LRRC1: variants seen among roughly 807,000 people sequenced by gnomAD.
LRRC1 encodes leucine-rich repeat-containing protein 1.
In LRRC1, 28 loss-of-function variants were observed where a neutral mutation model predicts 69.9. The ratio of observed to expected loss-of-function variants is 0.40; its 90% CI spans 0.30 to 0.55. The LOEUF is 0.55. Among genes scored for constraint, LRRC1 ranks in the 20% least tolerant of loss-of-function variants. The probability of loss-of-function intolerance (pLI) is 0.47; values close to 1 mark genes in which losing one functional copy is unlikely to be tolerated. For synonymous variants in LRRC1, 236 were observed against 240.2 expected, an observed-to-expected ratio of 0.98 and a Z score of 0.16; for missense variants, 498 against 609.0, an observed-to-expected ratio of 0.82 and a Z score of 1.92.
chr6:53,917,059 G>A (rs1581920790), intron 11 of LRRC1, among the ~76,000 whole-genome samples: 1 of 152,198 alleles, frequency 6.6e-6, no homozygotes, highest in East Asian at 1.9e-4. Flanking sequence ...GTAGTGTACA[G>A]AAGGTACCAG....
At chr6:53,900,415 A>T (rs1196379826) in intron 8 of LRRC1, among the ~76,000 whole-genome samples, 3 of 152,198 alleles carry the variant, frequency 2.0e-5, no homozygotes, top group African/African-American at 7.2e-5. Context: ...TGTTTCTGTC[A>T]TCCTGGCTTG....
At chr6:53,826,197 CTTTTTTTTTT>C (rs58959665) in intron 1 of LRRC1, among the ~76,000 whole-genome samples, 64 of 138,400 alleles carry the variant, frequency 4.6e-4, no homozygotes, top group African/African-American at 1.7e-3. Context: ...ACATATCTGC[CTTTTTTTTTT>C]TTTTTTTTGG....
At chr6:53,914,036 C>T in intron 11 of LRRC1, 67 bp downstream of exon 11, 3 of 1,095,510 alleles carry the variant, frequency 2.7e-6, no homozygotes, top group African/African-American at 1.6e-5. Context: ...CTTGGCAGTG[C>T]ATCTTCAAAT....
At chr6:53,840,143 A>G (rs1765725849) in intron 1 of LRRC1, among the ~76,000 whole-genome samples, 1 of 152,110 alleles carries the variant, frequency 6.6e-6, no homozygotes. Flanking sequence ...GTTTACTTAC[A>G]TATTTTGATG....
Position 53,923,238 on chromosome 6 carries a change from T to A in LRRC1, c.*445T>A, listed in dbSNP as rs1312734646. On this transcript the variant is annotated 3_prime_UTR_variant, in exon 14 of 14. Coordinates refer to ENST00000370888, the MANE Select transcript of LRRC1 (RefSeq NM_018214.5). The stretch of plus-strand genomic sequence containing the variant: ...TTTAAACCTTTTTTGGCAGCTCAGA[T>A]GGTGTAAATTTTAAAATTTTGTATA... 6.5e-6 allele frequency: 1 copy of A among 153,846 alleles called. No individual in the cohort carries two copies. Among genetic ancestry groups the A allele is most frequent in the Non-Finnish European group, 1.4e-5 (1 of 68,984 alleles). The allele number at this position is 153,846 out of a possible 1,614,324, so 9.5% of individuals were successfully genotyped here.
At chr6:53,897,470 A>C in intron 7 of LRRC1, 111 bp downstream of exon 7, 1 of 717,528 alleles carries the variant, frequency 1.4e-6, no homozygotes, top group Non-Finnish European at 2.3e-6. Context: ...GAAAACCAAA[A>C]ACATTGATTG....
At chr6:53,801,841 A>G (rs1033991434) in intron 1 of LRRC1, among the ~76,000 whole-genome samples, 1 of 152,206 alleles carries the variant, frequency 6.6e-6, no homozygotes, top group Non-Finnish European at 1.5e-5. Context: ...AATAATAATT[A>G]TAATTGTCAC....
intron 10 of LRRC1, chr6:53,905,103 G>A (rs1409494657): frequency 6.6e-6 from 1 of 152,332 alleles, no homozygotes; most frequent in East Asian, 1.9e-4. Context: ...AAGGGAGGTG[G>A]AAATGCTGAC....
At chr6:53,819,162 GTGTCT>G (rs1765041947) in intron 1 of LRRC1, among the ~76,000 whole-genome samples, 1 of 152,220 alleles carries the variant, frequency 6.6e-6, no homozygotes, top group Non-Finnish European at 1.5e-5. Context: ...GATAACTTGA[GTGTCT>G]TGTCAGAAAG....
At chr6:53,851,030 G>A (rs894251821) in intron 2 of LRRC1, among the ~76,000 whole-genome samples, 1 of 152,032 alleles carries the variant, frequency 6.6e-6, no homozygotes, top group Non-Finnish European at 1.5e-5. Context: ...AGCTAGAAGA[G>A]GAGAAGAAAT....
rs116791724 is a variant in LRRC1, at chr6:53,874,209, A to G, written c.278-4784A>G. 4.5e-3 allele frequency among the ~76,000 whole-genome samples: 678 copies of G among 152,296 alleles called. 2 individuals carry two copies. The highest frequency in any genetic ancestry group is 0.015 in the African/African-American group (642 of 41,580). On this transcript the variant is annotated intron_variant, in intron 2 of 13. Coordinates refer to ENST00000370888, the MANE Select transcript of LRRC1 (RefSeq NM_018214.5). ...CTCTGAGCCTTAGTGTCCATTTTGT[A>G]TAATGAAAGTTAAAATATTTTGAGG...
At chr6:53,820,407 G>A (rs1489291855) in intron 1 of LRRC1, among the ~76,000 whole-genome samples, 1 of 147,496 alleles carries the variant, frequency 6.8e-6, no homozygotes, top group Non-Finnish European at 1.5e-5. Flanking sequence ...ACAGCATCTA[G>A]TATGGAGCTT....
intron 1 of LRRC1, among the ~76,000 whole-genome samples, chr6:53,840,456 T>C (rs541763855): frequency 6.6e-6 from 1 of 152,260 alleles, no homozygotes; most frequent in East Asian, 1.9e-4. Context: ...TATGCCTTGG[T>C]ATGTACTTTT....
At chr6:53,912,521 C>A (rs1398187759) in intron 10 of LRRC1, among the ~76,000 whole-genome samples, 1 of 152,160 alleles carries the variant, frequency 6.6e-6, no homozygotes. Flanking sequence ...GTGCTTTCCA[C>A]ATGACCAGAG....
rs1167829942 is a variant in LRRC1, at chr6:53,861,508, A to G, written c.278-17485A>G. On this transcript the variant is annotated intron_variant, in intron 2 of 13. Transcript: ENST00000370888. ...TGCTGAATCAGTCGCTGGGAGTGGG[A>G]CCAGACCATTCTTTAAGCGGGTCAG... Among the ~76,000 whole-genome samples the G allele has an allele frequency of 2.0e-5, 3 of 150,144 alleles. No homozygotes were observed. In the East Asian group the frequency reaches 5.8e-4, roughly 29 times the overall value.
At chr6:53,829,750 G>T (rs1765376323) in intron 1 of LRRC1, among the ~76,000 whole-genome samples, 1 of 152,162 alleles carries the variant, frequency 6.6e-6, no homozygotes, top group Admixed American at 6.5e-5. Flanking sequence ...AGCTACCTCA[G>T]AAAATTGTCC....
At chr6:53,850,062 C>T (rs372433518) in intron 2 of LRRC1, among the ~76,000 whole-genome samples, 9 of 145,258 alleles carry the variant, frequency 6.2e-5, no homozygotes, top group East Asian at 2.0e-4. Context: ...AATAAGATTT[C>T]TTTTTTTTTT....
rs76145131 is a variant in LRRC1, at chr6:53,816,841, C to T, written c.159+21426C>T. On this transcript the variant is annotated intron_variant, in intron 1 of 13. Coordinates refer to ENST00000370888, the MANE Select transcript of LRRC1 (RefSeq NM_018214.5). ...CGAACAATCTGAAAGTCGGAACCTCCGCTAAAAATCCAGCTCTCTTCCCCC... is the reference window on the plus strand; with the variant it reads ...CGAACAATCTGAAAGTCGGAACCTCTGCTAAAAATCCAGCTCTCTTCCCCC... 8.3e-3 allele frequency among the ~76,000 whole-genome samples: 1,261 copies of T among 152,258 alleles called. 13 individuals are homozygous for T. Among genetic ancestry groups the T allele is most frequent in the African/African-American group, 0.028 (1,145 of 41,550 alleles).
chr6:53,807,410 A>G (rs1287879323), intron 1 of LRRC1, among the ~76,000 whole-genome samples: 1 of 152,204 alleles, frequency 6.6e-6, no homozygotes, highest in Non-Finnish European at 1.5e-5. Flanking sequence ...AAAACAGATA[A>G]GAAAATATGA....
Sources: gnomAD v4.1 joint callset for allele counts (sites outside exome capture counted in the v4.1 genomes callset) on GRCh38, gnomAD v4.1.1 for gene constraint, MANE v1.5 for transcripts, NCBI Gene and HGNC (gene_info 2026-07-23, HGNC 2026-07-21) for gene names.